Variants in ADARB2 observed in about 807,000 individuals in gnomAD.
ADARB2 encodes the protein inactive double-stranded RNA-specific editase B2.
A neutral mutation model predicts 62.2 loss-of-function variants in ADARB2; 25 were observed. The observed-to-expected ratio is 0.40, with a 90% CI of 0.29 to 0.56. ADARB2 has a LOEUF of 0.56. ADARB2 is among the 20% of genes least tolerant of loss of function. The pLI, the probability that ADARB2 is intolerant of heterozygous loss-of-function variation, is 0.43. For missense variants in ADARB2, 1,071 were observed against 1,077.4 expected (o/e 0.99, Z 0.08); for synonymous variants, 572 against 500.8 (o/e 1.14, Z -1.90).
intron 1 of ADARB2, among the ~76,000 whole-genome samples, chr10:1,635,228 C>T (rs1440013048): frequency 1.3e-5 from 2 of 152,156 alleles, no homozygotes; most frequent in Non-Finnish European, 2.9e-5. Context: ...GATCACCTTC[C>T]TTCATTATTT....
At chr10:1,502,236 C>T (rs1831776092) in intron 1 of ADARB2, among the ~76,000 whole-genome samples, 1 of 152,238 alleles carries the variant, frequency 6.6e-6, no homozygotes, top group South Asian at 2.1e-4. Flanking sequence ...CAGCGGGGCT[C>T]TGTGATGCTG....
chr10:1,563,305 G>A (rs1832812841), intron 1 of ADARB2, among the ~76,000 whole-genome samples: 1 of 151,980 alleles, frequency 6.6e-6, no homozygotes, highest in South Asian at 2.1e-4. Context: ...GTGTATCCCT[G>A]CATCCTCCCC....
Position 1,481,835 on chromosome 10 carries a change from C to T in ADARB2, c.101-102675G>A, listed in dbSNP as rs572904962. On this transcript the variant is annotated intron_variant, in intron 1 of 9. Coordinates refer to ENST00000381312, the MANE Select transcript of ADARB2 (RefSeq NM_018702.4). ...TTGTGCCACTGCACTCCAGCCTGGA[C>T]GACAGAGTGAGACTCCATCTCAAAA... Among the ~76,000 whole-genome samples the T allele has an allele frequency of 1.4e-4, 19 of 136,176 alleles. No homozygotes were observed. In the South Asian group the frequency reaches 2.6e-3, roughly 19 times the overall value. 89.3% of individuals were successfully genotyped at this position (136,176 alleles called of 152,430 possible).
intron 1 of ADARB2, among the ~76,000 whole-genome samples, chr10:1,641,785 G>C (rs549659096): frequency 6.6e-6 from 1 of 152,334 alleles, no homozygotes; most frequent in African/African-American, 2.4e-5. Flanking sequence ...GGCCAAGGTG[G>C]GTGGATCACC....
In ADARB2 at chr10:1,360,162, C is replaced by A. The variant is rs113077893; in HGVS notation, c.1077+2866G>T. On this transcript the variant is annotated intron_variant, in intron 3 of 9. Coordinates refer to ENST00000381312, the MANE Select transcript of ADARB2 (RefSeq NM_018702.4). ...GGGCAGAGAACCTCAAGCACCGGGC[C>A]GGCACCCAAGTGCAGAGACTGCATC... 3.7e-3 allele frequency among the ~76,000 whole-genome samples: 560 copies of A among 152,356 alleles called. 6 individuals are homozygous for A. Among genetic ancestry groups the A allele is most frequent in the African/African-American group, 0.013 (532 of 41,588 alleles).
At chr10:1,271,194 C>T in intron 3 of ADARB2, 125 bp from the exon 4 acceptor site, 1 of 709,540 alleles carries the variant, frequency 1.4e-6, no homozygotes, top group Non-Finnish European at 2.4e-6. Flanking sequence ...TGCTCTCCTC[C>T]CCTCCTCACA....
At chr10:1,217,182 G>T in intron 6 of ADARB2, 63 bp from the exon 7 acceptor site, 1 of 1,456,586 alleles carries the variant, frequency 6.9e-7, no homozygotes. Context: ...TGGGAGGTGG[G>T]AGAAGAGGAA....
intron 1 of ADARB2, among the ~76,000 whole-genome samples, chr10:1,672,768 C>T (rs1331850888): frequency 5.2e-4 from 44 of 84,150 alleles, no homozygotes; most frequent in Non-Finnish European, 1.2e-3. Flanking sequence ...CACACACTTC[C>T]CCTTCCTCCC....
chr10:1,696,213 G>A (rs963958365), intron 1 of ADARB2, among the ~76,000 whole-genome samples: 1 of 152,118 alleles, frequency 6.6e-6, no homozygotes, highest in Non-Finnish European at 1.5e-5. Flanking sequence ...TTATATGCCT[G>A]TGTATATGTG....
chr10:1,325,340 C>T lies in ADARB2; in HGVS notation c.1077+37688G>A, dbSNP rs112450453. 1.9e-3 allele frequency among the ~76,000 whole-genome samples: 289 copies of T among 152,302 alleles called. 2 individuals carry two copies. Among genetic ancestry groups the T allele is most frequent in the African/African-American group, 6.5e-3 (270 of 41,562 alleles). On this transcript the variant is annotated intron_variant, in intron 3 of 9. Coordinates refer to ENST00000381312, the MANE Select transcript of ADARB2 (RefSeq NM_018702.4). ...GACTGCACGCCTAACACTTTGCTTC[C>T]GCTCCTGCACCCCAAGTGTATTCTA...
intron 1 of ADARB2, among the ~76,000 whole-genome samples, chr10:1,485,341 C>T (rs1005438453): frequency 2.6e-5 from 4 of 152,034 alleles, no homozygotes; most frequent in African/African-American, 9.7e-5. Context: ...CATGTGTGTA[C>T]ATATACAGAT....
At chr10:1,647,628 G>T (rs1251692788) in intron 1 of ADARB2, among the ~76,000 whole-genome samples, 15 of 151,982 alleles carry the variant, frequency 9.9e-5, no homozygotes, top group African/African-American at 3.6e-4. Context: ...ATTTATATGT[G>T]TGTGGATATA....
chr10:1,557,171 CTG>C (rs1474539947), intron 1 of ADARB2, among the ~76,000 whole-genome samples: 1 of 151,834 alleles, frequency 6.6e-6, no homozygotes, highest in African/African-American at 2.4e-5. Flanking sequence ...GTCCAGTCGA[CTG>C]TGCTCCCATC....
chr10:1,292,985 AGAGAGG>A (rs1422781744), intron 3 of ADARB2: 132 of 59,818 alleles, frequency 2.2e-3, no homozygotes, highest in African/African-American at 7.6e-3. Context: ...GGAAGGAGAG[AGAGAGG>A]GAGAGGGAGG....
At chr10:1,249,758 T>C (rs1355104132) in intron 4 of ADARB2, among the ~76,000 whole-genome samples, 1 of 151,848 alleles carries the variant, frequency 6.6e-6, no homozygotes, top group African/African-American at 2.4e-5. Flanking sequence ...TCTGTAGTAA[T>C]TGGAGAGGGG....
At chr10:1,393,632 C>T (rs1472705157) in intron 1 of ADARB2, among the ~76,000 whole-genome samples, 1 of 152,186 alleles carries the variant, frequency 6.6e-6, no homozygotes, top group African/African-American at 2.4e-5. Context: ...TTCACAGCGA[C>T]TATGGTACTG....
chr10:1,232,499 T>C (rs1830816073), intron 6 of ADARB2, among the ~76,000 whole-genome samples: 1 of 96,886 alleles, frequency 1.0e-5, no homozygotes, highest in African/African-American at 2.7e-5. Context: ...ATGCTATGCA[T>C]GTGTATGTGG....
intron 2 of ADARB2, among the ~76,000 whole-genome samples, chr10:1,366,076 C>T (rs547378813): frequency 4.6e-5 from 7 of 152,272 alleles, no homozygotes; most frequent in African/African-American, 1.4e-4. Flanking sequence ...TGCAGCCATG[C>T]GTCTGTGACA....
chr10:1,615,104 T>A (rs1833616067), intron 1 of ADARB2, among the ~76,000 whole-genome samples: 1 of 152,192 alleles, frequency 6.6e-6, no homozygotes, highest in Non-Finnish European at 1.5e-5. Flanking sequence ...GGCCTGAAGT[T>A]TTAAATTTTT....
Sources: allele counts gnomAD v4.1 joint callset (sites outside exome capture counted in the v4.1 genomes callset), GRCh38; gene constraint gnomAD v4.1.1; transcripts MANE v1.5; gene names NCBI Gene and HGNC (gene_info 2026-07-23, HGNC 2026-07-21).